ACO1: variants seen among roughly 807,000 people sequenced by gnomAD.
The protein encoded by ACO1 is cytoplasmic aconitate hydratase.
Under a neutral mutation model 105.1 loss-of-function variants are expected in ACO1, and 78 were observed. The ratio of observed to expected loss-of-function variants is 0.74; its 90% CI spans 0.62 to 0.90. The LOEUF (loss-of-function observed/expected upper bound fraction) is 0.90. Among genes scored for constraint, ACO1 ranks in the 40% least tolerant of loss-of-function variants. The pLI is 0.00. For missense variants in ACO1, 965 were observed against 1,111.1 expected (o/e 0.87, Z 1.87); for synonymous variants, 364 against 397.4 (o/e 0.92, Z 1.00).
intron 11 of ACO1, among the ~76,000 whole-genome samples, chr9:32,426,374 C>T (rs980792535): frequency 2.6e-5 from 4 of 152,146 alleles, no homozygotes; most frequent in Non-Finnish European, 4.4e-5. Flanking sequence ...GACGTGAATG[C>T]TGGGAGGTGT....
At chr9:32,422,494 G>A (rs1368043556) in intron 8 of ACO1, among the ~76,000 whole-genome samples, 1 of 152,166 alleles carries the variant, frequency 6.6e-6, no homozygotes, top group Non-Finnish European at 1.5e-5. Flanking sequence ...TCTGATCAGT[G>A]GTAGGATCAG....
chr9:32,440,517 T>A lies in ACO1; in HGVS notation c.2300T>A (p.Ile767Asn), dbSNP rs1029637272. The part of the protein sequence containing the change: ...ERYQQAGLPL[I>N]VLAGKEYGAG... ...TACCAGCAGGCAGGCCTTCCCCTGA[T>A]CGTTCTGGCTGGCAAAGAGTACGGT... The change falls in exon 19 of 21, where the codon ATC (isoleucine) becomes AAC (asparagine). Residue 767 changes from isoleucine (I) to asparagine (N), a missense_variant. Coordinates refer to ENST00000309951, the MANE Select transcript of ACO1 (RefSeq NM_002197.3). The A allele has an allele frequency of 6.2e-7, 1 of 1,613,928 alleles. No individual in the cohort carries two copies. Among genetic ancestry groups the A allele is most frequent in the African/African-American group, 1.3e-5 (1 of 74,922 alleles).
rs1821417843 is a variant in ACO1 at position 32,398,457 on chromosome 9, A to G, written c.-22-7028A>G. Among the ~76,000 whole-genome samples, 4 of 151,920 alleles carry G rather than the reference A, an allele frequency of 2.6e-5. No individual in the cohort carries two copies. The South Asian group carries it at 8.3e-4, about 32-fold the overall frequency. On this transcript the variant is annotated intron_variant, in intron 1 of 20. Transcript: ENST00000309951. ...CTGACGTGGTTTTCTAGCAAGAGTG[A>G]TGGTTTAGCATCCATCCATATGCTA... is the stretch of plus-strand genomic sequence containing the variant.
chr9:32,433,822 T>C lies in ACO1; in HGVS notation c.1946T>C (p.Phe649Ser). The C allele has an allele frequency of 6.2e-7, 1 of 1,603,108 alleles. No individual in the cohort carries two copies. Among genetic ancestry groups the C allele is most frequent in the Non-Finnish European group, 8.5e-7 (1 of 1,176,188 alleles). Residue 649 changes from phenylalanine to serine, a missense_variant, in exon 16 of 21, where the codon TTT (phenylalanine) becomes TCT (serine). Transcript: ENST00000309951. ...KSTYIKSPPF[F>S]ENLTLDLQPP... ...ACGTATATCAAATCACCACCATTCT[T>C]TGAAAACCTGGTATGGCTTTTTATT...
At chr9:32,440,393 C>G (rs887574753) in intron 18 of ACO1, 72 bp from the exon 19 acceptor site, 87 of 1,592,512 alleles carry the variant, frequency 5.5e-5, no homozygotes, top group Non-Finnish European at 7.2e-5. Context: ...CCCGCCCTCA[C>G]CAGGGCTCAG....
chr9:32,425,789 A>G, intron 10 of ACO1, 49 bp from the exon 11 acceptor site: 3 of 1,332,452 alleles, frequency 2.3e-6, no homozygotes, highest in South Asian at 1.4e-5. Flanking sequence ...ATACATGTAT[A>G]TCTTATATAA....
chr9:32,400,579 C>T (rs1469914040), intron 1 of ACO1, among the ~76,000 whole-genome samples: 1 of 152,176 alleles, frequency 6.6e-6, no homozygotes, highest in Non-Finnish European at 1.5e-5. Context: ...TACATCTTCA[C>T]CAGTCATTAT....
intron 18 of ACO1, 84 bp from the exon 19 acceptor site, chr9:32,440,381 G>A (rs1822450355): frequency 2.6e-6 from 4 of 1,560,210 alleles, no homozygotes; most frequent in Non-Finnish European, 3.5e-6. Flanking sequence ...AACCCATCCA[G>A]CCCCGCCCTC....
intron 14 of ACO1, among the ~76,000 whole-genome samples, chr9:32,430,806 G>C (rs556784496): frequency 6.6e-6 from 1 of 152,286 alleles, no homozygotes; most frequent in South Asian, 2.1e-4. Context: ...AAAAGGAATA[G>C]ACATCTTGCT....
In ACO1 at chr9:32,423,392, C is replaced by T. The variant is rs765397045; in HGVS notation, c.1044C>T (p.Asp348=). The change falls in exon 9 of 21, where the codon GAC becomes GAT. Residue 348 remains aspartate (D), a synonymous_variant. Coordinates refer to ENST00000309951, the MANE Select transcript of ACO1 (RefSeq NM_002197.3). The stretch of plus-strand genomic sequence containing the variant: ...TAGGAATGTTTCGAGATTTCAATGA[C>T]CCTTCTCAAGACCCAGACTTCACCC... ...QAVGMFRDFN[D]PSQDPDFTQV... 30 of 1,601,236 alleles carry T rather than the reference C, an allele frequency of 1.9e-5. No homozygotes were observed. Among genetic ancestry groups the T allele is most frequent in the African/African-American group, 2.7e-5 (2 of 74,152 alleles).
In ACO1 at chr9:32,439,105, C is replaced by T. The variant is rs1348174615; in HGVS notation, c.2248-1360C>T. Reference sequence around the variant, plus strand: ...GACGTGAGTTCTAGACCTGCTTAGTCCCTCTGATCTTGGGTAACATGACGT... The same window carrying T: ...GACGTGAGTTCTAGACCTGCTTAGTTCCTCTGATCTTGGGTAACATGACGT... On this transcript the variant is annotated intron_variant, in intron 18 of 20. Coordinates refer to ENST00000309951, the MANE Select transcript of ACO1 (RefSeq NM_002197.3). The surrounding 1 kb of genome is among the most constrained non-coding windows in gnomAD (Gnocchi z 4.0). Among the ~76,000 whole-genome samples the T allele has an allele frequency of 6.6e-6, 1 of 152,174 alleles. No homozygotes were observed. Among genetic ancestry groups the T allele is most frequent in the Non-Finnish European group, 1.5e-5 (1 of 68,032 alleles).
intron 15 of ACO1, among the ~76,000 whole-genome samples, chr9:32,432,994 G>A (rs560471677): frequency 5.9e-5 from 9 of 152,190 alleles, no homozygotes; most frequent in South Asian, 4.1e-4. Context: ...CTGGCTGTTC[G>A]CTAGAAGCCT....
intron 4 of ACO1, among the ~76,000 whole-genome samples, chr9:32,411,285 A>G (rs1215990288): frequency 6.6e-6 from 1 of 152,262 alleles, no homozygotes; most frequent in Non-Finnish European, 1.5e-5. Flanking sequence ...TGTCAAAACA[A>G]CTATCAGTGG....
chr9:32,435,116 G>GT (rs1282329765), intron 17 of ACO1, among the ~76,000 whole-genome samples: 3 of 152,152 alleles, frequency 2.0e-5, no homozygotes, highest in African/African-American at 4.8e-5. Flanking sequence ...TTACTCATCT[G>GT]TTTATCAGTT....
Position 32,453,094 on chromosome 9 carries a change from C to G in ACO1, c.*2983C>G, listed in dbSNP as rs1229338180. ...TCGTCTTACTATCCAAATTAAAAAT[C>G]TGCTGTTCTCCCTCCCATATTCTTT... On this transcript the variant is annotated 3_prime_UTR_variant, in exon 21 of 21. Transcript: ENST00000309951. The G allele has an allele frequency of 6.6e-6, 1 of 151,166 alleles. No individual in the cohort carries two copies. The highest frequency in any genetic ancestry group is 1.5e-5 in the Non-Finnish European group (1 of 67,898). 9.4% of individuals were successfully genotyped at this position (151,166 alleles called of 1,614,324 possible).
chr9:32,397,064 A>G (rs927420363), intron 1 of ACO1, among the ~76,000 whole-genome samples: 3 of 152,168 alleles, frequency 2.0e-5, no homozygotes, highest in Admixed American at 2.0e-4. Context: ...TAGACCACTA[A>G]CTTAAAATTT....
chr9:32,404,444 C>A (rs1252479687), intron 1 of ACO1, among the ~76,000 whole-genome samples: 1 of 152,186 alleles, frequency 6.6e-6, no homozygotes, highest in Non-Finnish European at 1.5e-5. Flanking sequence ...TGCCACAGAT[C>A]CACACAGTTT....
At chr9:32,394,474 C>T (rs1821330887) in intron 1 of ACO1, among the ~76,000 whole-genome samples, 1 of 152,184 alleles carries the variant, frequency 6.6e-6, no homozygotes, top group African/African-American at 2.4e-5. Context: ...AGTCCCTTCC[C>T]ATAGACAACA....
intron 1 of ACO1, among the ~76,000 whole-genome samples, chr9:32,391,971 A>G (rs1821276425): frequency 6.6e-6 from 1 of 152,202 alleles, no homozygotes; most frequent in Admixed American, 6.5e-5. Context: ...TTTCTTAGAT[A>G]AGAAATCAGT....
Sources: gnomAD v4.1 joint callset for allele counts (sites outside exome capture counted in the v4.1 genomes callset) on GRCh38, gnomAD v4.1.1 for gene constraint, Gnocchi (gnomAD v3.1) non-coding constraint, MANE v1.5 for transcripts, NCBI Gene and HGNC (gene_info 2026-07-23, HGNC 2026-07-21) for gene names.